The following L3MBTL3 variants were observed in gnomAD, a reference collection of about 807,000 sequenced individuals.
L3MBTL3 encodes lethal(3)malignant brain tumor-like protein 3.
A neutral mutation model predicts 102.3 loss-of-function variants in L3MBTL3; 27 were observed. That is an observed-to-expected ratio of 0.26 (90% CI 0.19 to 0.36). The LOEUF (loss-of-function observed/expected upper bound fraction) is 0.36, where lower values mean the gene tolerates loss of function less well. Ranked by LOEUF, L3MBTL3 falls within the 10% of genes least tolerant of loss-of-function variation. The probability of loss-of-function intolerance (pLI) is 1.00; values close to 1 mark genes in which losing one functional copy is unlikely to be tolerated. For missense variants in L3MBTL3, 798 were observed against 955.3 expected, an observed-to-expected ratio of 0.84 and a Z score of 2.17; for synonymous variants, 340 against 320.9, an observed-to-expected ratio of 1.06 and a Z score of -0.64.
intron 1 of L3MBTL3, among the ~76,000 whole-genome samples, chr6:130,020,271 C>T (rs953665001): frequency 8.4e-4 from 126 of 149,776 alleles, no homozygotes; most frequent in Non-Finnish European, 1.2e-3. Flanking sequence ...GGGTGGGGAT[C>T]GGGAAGCGCA....
Position 130,086,179 on chromosome 6 carries a change from G to T in L3MBTL3, c.1447G>T (p.Val483Phe). 6.2e-7 allele frequency: 1 copy of T among 1,613,304 alleles called. No individual in the cohort carries two copies. Among genetic ancestry groups the T allele is most frequent in the East Asian group, 2.2e-5 (1 of 44,860 alleles). Residue 483 changes from valine to phenylalanine, a missense_variant, in exon 16 of 23, where the codon GTT becomes TTT. Val to Phe is a conservative substitution (Grantham distance 50, BLOSUM62 -1). This residue lies in a region of L3MBTL3 where 306 missense variants were observed against 314.4 expected (regional missense o/e 0.97). Transcript: ENST00000361794. ...HGFQKKMKLEVVDKRNPMFIR... is the reference protein window; with the variant it reads ...HGFQKKMKLEFVDKRNPMFIR... ...ATTCCAGAAAAAAATGAAGCTTGAGGTTGTAGACAAAAGGAACCCTATGTT... is the reference window on the plus strand; with the variant it reads ...ATTCCAGAAAAAAATGAAGCTTGAGTTTGTAGACAAAAGGAACCCTATGTT...
intron 11 of L3MBTL3, among the ~76,000 whole-genome samples, chr6:130,067,247 GGGATTACA>G (rs1354272085): frequency 1.3e-5 from 2 of 152,060 alleles, no homozygotes; most frequent in Non-Finnish European, 2.9e-5. Context: ...CCGAATAGCT[GGGATTACA>G]GGTGCCTGCC....
chr6:130,115,596 C>G (rs1174084181), intron 19 of L3MBTL3, among the ~76,000 whole-genome samples: 1 of 152,126 alleles, frequency 6.6e-6, no homozygotes, highest in African/African-American at 2.4e-5. Flanking sequence ...GTCTGTTTTA[C>G]TAATATTTAT....
At chr6:130,056,999 T>G (rs1412774941) in intron 8 of L3MBTL3, among the ~76,000 whole-genome samples, 4 of 152,212 alleles carry the variant, frequency 2.6e-5, no homozygotes, top group Non-Finnish European at 5.9e-5. Context: ...ACTATACTGA[T>G]TGTTTTCCTT....
At chr6:130,085,840 C>T (rs957546070) in intron 15 of L3MBTL3, among the ~76,000 whole-genome samples, 9 of 152,056 alleles carry the variant, frequency 5.9e-5, no homozygotes, top group Non-Finnish European at 1.2e-4. Flanking sequence ...CACTACTCCA[C>T]CTCCTGGGCT....
At chr6:130,053,028 G>A (rs1432270716) in intron 7 of L3MBTL3, 37 bp downstream of exon 7, 20 of 1,509,704 alleles carry the variant, frequency 1.3e-5, no homozygotes, top group Non-Finnish European at 1.8e-5. Flanking sequence ...GCACAGGGAT[G>A]CATCTTTAGT....
intron 1 of L3MBTL3, chr6:130,019,512 C>CTT (rs1562240216): frequency 6.6e-6 from 1 of 151,714 alleles, no homozygotes; most frequent in East Asian, 2.0e-4. Flanking sequence ...ACTTTCTCCC[C>CTT]TTTCGGGCTG....
chr6:130,044,616 A>C (rs1432796019), intron 3 of L3MBTL3, among the ~76,000 whole-genome samples: 1 of 152,100 alleles, frequency 6.6e-6, no homozygotes, highest in African/African-American at 2.4e-5. Flanking sequence ...TGACTTTCAG[A>C]CCCATCTAAT....
At chr6:130,120,734 C>T in intron 19 of L3MBTL3, 145 bp from the exon 20 acceptor site, 1 of 586,452 alleles carries the variant, frequency 1.7e-6, no homozygotes, top group South Asian at 2.4e-5. Flanking sequence ...AATTAATTGC[C>T]TTGTAGGAGA....
intron 13 of L3MBTL3, among the ~76,000 whole-genome samples, 191 bp downstream of exon 13, chr6:130,071,318 T>C (rs1782627093): frequency 6.6e-6 from 1 of 152,100 alleles, no homozygotes; most frequent in South Asian, 2.1e-4. Context: ...TAATTTTGCT[T>C]TGTGATTGGT....
At chr6:130,023,503 G>A (rs762250444) in intron 2 of L3MBTL3, among the ~76,000 whole-genome samples, 2 of 152,182 alleles carry the variant, frequency 1.3e-5, no homozygotes, top group East Asian at 1.9e-4. Context: ...CTTTGTCTGC[G>A]GAGTCACTGT....
At chr6:130,027,277 C>T (rs1294723357) in intron 2 of L3MBTL3, among the ~76,000 whole-genome samples, 1 of 152,032 alleles carries the variant, frequency 6.6e-6, no homozygotes, top group African/African-American at 2.4e-5. Flanking sequence ...ATTTTTTGAG[C>T]GTATACTATG....
At chr6:130,092,258 A>G (rs569970751) in intron 16 of L3MBTL3, among the ~76,000 whole-genome samples, 43 of 152,310 alleles carry the variant, frequency 2.8e-4, no homozygotes, top group Non-Finnish European at 5.4e-4. Context: ...ATGTGTGTCT[A>G]GCAGGCTTTT....
In L3MBTL3 at chr6:130,140,461, G is replaced by A. The variant is rs1788170164; in HGVS notation, c.*708G>A. ...AACATGTATATAAAAGAATGAAATT[G>A]AAAAATAAAATATATAAACATAAAT... On this transcript the variant is annotated 3_prime_UTR_variant, in exon 23 of 23. Transcript: ENST00000361794. The A allele has an allele frequency of 6.6e-6, 1 of 152,530 alleles. No individual in the cohort carries two copies. Among genetic ancestry groups the A allele is most frequent in the Non-Finnish European group, 1.5e-5 (1 of 68,024 alleles). 9.4% of individuals were successfully genotyped at this position (152,530 alleles called of 1,614,324 possible). A position where few individuals can be genotyped will look rare whatever the true frequency, so the allele number is the denominator to read the frequency against.
intron 11 of L3MBTL3, 99 bp downstream of exon 11, chr6:130,066,587 A>C (rs1782276539): frequency 2.9e-6 from 3 of 1,036,988 alleles, no homozygotes; most frequent in Non-Finnish European, 4.2e-6. Flanking sequence ...ATGAAAATTC[A>C]GATAGGCACA....
intron 14 of L3MBTL3, among the ~76,000 whole-genome samples, chr6:130,082,046 A>G (rs887192759): frequency 1.3e-5 from 2 of 152,192 alleles, no homozygotes; most frequent in South Asian, 2.1e-4. Context: ...CAGGAATATC[A>G]TAGACATAGT....
At chr6:130,023,772 C>CT in intron 2 of L3MBTL3, among the ~76,000 whole-genome samples, 1 of 152,266 alleles carries the variant, frequency 6.6e-6, no homozygotes, top group Admixed American at 6.5e-5. Context: ...GGTAGATTGT[C>CT]TAAGTCAGAA....
chr6:130,040,643 T>G (rs1355093136), intron 2 of L3MBTL3, among the ~76,000 whole-genome samples: 1 of 152,192 alleles, frequency 6.6e-6, no homozygotes, highest in Non-Finnish European at 1.5e-5. Context: ...CAGCTACAAA[T>G]ACTGTTAGTG....
intron 2 of L3MBTL3, among the ~76,000 whole-genome samples, chr6:130,024,521 TA>T (rs1040343007): frequency 6.6e-6 from 1 of 152,172 alleles, no homozygotes; most frequent in Non-Finnish European, 1.5e-5. Flanking sequence ...AGTTGATTCT[TA>T]AAGAATTTTG....
Sources: gnomAD v4.1 joint callset for allele counts (sites outside exome capture counted in the v4.1 genomes callset) on GRCh38, gnomAD v4.1.1 for gene constraint, gnomAD v4.1.1 regional missense constraint, MANE v1.5 for transcripts, NCBI Gene and HGNC (gene_info 2026-07-23, HGNC 2026-07-21) for gene names.